MYO10: variants seen among roughly 807,000 people sequenced by gnomAD.
MYO10 encodes the protein myosin X.
Under a neutral mutation model 257.3 loss-of-function variants are expected in MYO10, and 133 were observed. That is an observed-to-expected ratio of 0.52 (90% CI 0.45 to 0.60). The LOEUF is 0.60. Among genes scored for constraint, MYO10 ranks in the 20% least tolerant of loss-of-function variants. MYO10 has a pLI of 0.00. For missense variants in MYO10, 2,399 were observed against 2,635.7 expected, an observed-to-expected ratio of 0.91 and a Z score of 1.97; for synonymous variants, 1,104 against 1,028.6, an observed-to-expected ratio of 1.07 and a Z score of -1.40.
At chr5:16,870,408 G>A (rs1433461067) in intron 2 of MYO10, among the ~76,000 whole-genome samples, 1 of 151,358 alleles carries the variant, frequency 6.6e-6, no homozygotes, top group Non-Finnish European at 1.5e-5. Flanking sequence ...GGTTGGTCCA[G>A]CAACATAATA....
At chr5:16,855,929 A>T (rs182240442) in intron 2 of MYO10, among the ~76,000 whole-genome samples, 106 of 152,334 alleles carry the variant, frequency 7.0e-4, no homozygotes, top group African/African-American at 2.4e-3. Context: ...CTACGCTATT[A>T]TTAATTATCC....
rs35589852 is a variant in MYO10, at chr5:16,821,982, C to CAAAA, written c.121-3819_121-3816dup. ...CAGCTGCTCAAAACAATGTGTATTT[C>CAAAA]AAAAAAAAAAAAGAATAGTAGAGAA... On this transcript the variant is annotated intron_variant, in intron 2 of 40. Transcript: ENST00000513610. Among the ~76,000 whole-genome samples the CAAAA allele has an allele frequency of 5.5e-5, 8 of 144,528 alleles. No homozygotes were observed. In the South Asian group the frequency reaches 6.5e-4, roughly 12 times the overall value. 94.8% of individuals were successfully genotyped at this position (144,528 alleles called of 152,430 possible).
At chr5:16,825,702 A>G (rs1013642236) in intron 2 of MYO10, among the ~76,000 whole-genome samples, 33 of 152,214 alleles carry the variant, frequency 2.2e-4, no homozygotes, top group Non-Finnish European at 2.9e-5. Context: ...CAGAGTGGAC[A>G]GCCGGATGCA....
intron 3 of MYO10, among the ~76,000 whole-genome samples, chr5:16,809,353 C>A (rs1742367092): frequency 6.6e-6 from 1 of 152,220 alleles, no homozygotes; most frequent in Non-Finnish European, 1.5e-5. Context: ...TTGACTCGAG[C>A]CTTGGAAAGG....
At chr5:16,902,657 C>T (rs1422276335) in intron 1 of MYO10, 11 of 1,222,432 alleles carry the variant, frequency 9.0e-6, no homozygotes, top group Middle Eastern at 2.0e-4. Context: ...AAGCATGGAC[C>T]GGAGAGAGGC....
chr5:16,892,295 A>G (rs2562343), intron 1 of MYO10, among the ~76,000 whole-genome samples: 87,413 of 151,994 alleles, frequency 0.58, 25,585 homozygotes, highest in African/African-American at 0.68. Context: ...CACCTAGCTT[A>G]TCTGATACAT....
rs200583687 is a variant in MYO10, at chr5:16,766,147, T to G, written c.1112A>C (p.Asp371Ala). Residue 371 changes from aspartate (D) to alanine (A), a missense_variant, in exon 11 of 41, where the codon GAT becomes GCT. This residue lies in a region of MYO10 where 337 missense variants were observed against 446.8 expected (regional missense o/e 0.75). Coordinates refer to ENST00000513610, the MANE Select transcript of MYO10 (RefSeq NM_012334.3). ...GAACATTGATCTCTGGGTCAAAGCA[T>G]CTGTGAGCTGTGTTGGGTCCAGCCC... ...LLGLDPTQLT[D>A]ALTQRSMFLR... 4.6e-4 allele frequency: 738 copies of G among 1,613,970 alleles called. No individual in the cohort carries two copies. Among genetic ancestry groups the G allele is most frequent in the South Asian group, 7.6e-4 (69 of 91,078 alleles).
intron 30 of MYO10, 47 bp downstream of exon 30, chr5:16,683,833 C>T: frequency 6.4e-7 from 1 of 1,571,252 alleles, no homozygotes; most frequent in Non-Finnish European, 8.8e-7. Context: ...CCTGTGGACA[C>T]ACACAGGTGA....
chr5:16,933,528 T>C (rs31463), intron 1 of MYO10, among the ~76,000 whole-genome samples: 60,119 of 152,068 alleles, frequency 0.4, 12,153 homozygotes, highest in Middle Eastern at 0.5. Context: ...TAAGCCACAA[T>C]GGGAAAAGTT....
intron 18 of MYO10, among the ~76,000 whole-genome samples, chr5:16,755,345 T>G (rs1740498521): frequency 6.6e-6 from 1 of 152,160 alleles, no homozygotes; most frequent in African/African-American, 2.4e-5. Context: ...TTTTGTATTT[T>G]TAGTGGAGAT....
intron 4 of MYO10, among the ~76,000 whole-genome samples, chr5:16,792,870 C>T (rs530603418): frequency 1.1e-4 from 16 of 152,180 alleles, no homozygotes; most frequent in African/African-American, 3.9e-4. Context: ...GTGTCCCCCC[C>T]TCCCCCGACA....
At chr5:16,733,130 T>C (rs948442974) in intron 19 of MYO10, among the ~76,000 whole-genome samples, 3 of 151,962 alleles carry the variant, frequency 2.0e-5, no homozygotes, top group Non-Finnish European at 4.4e-5. Flanking sequence ...CAAGACGCCA[T>C]CTCAGAAAAA....
chr5:16,738,253 G>C (rs952012229), intron 19 of MYO10: 1 of 985,402 alleles, frequency 1.0e-6, no homozygotes, highest in Non-Finnish European at 1.2e-6. Flanking sequence ...GAGGAGGAGG[G>C]GTGGTCAGAG....
At chr5:16,837,556 C>T (rs1034659808) in intron 2 of MYO10, among the ~76,000 whole-genome samples, 5 of 152,110 alleles carry the variant, frequency 3.3e-5, no homozygotes, top group Non-Finnish European at 7.3e-5. Flanking sequence ...GTGGTGATGA[C>T]TGCACAACTC....
At chr5:16,699,361 C>T in intron 26 of MYO10, 89 bp downstream of exon 26, 1 of 1,494,658 alleles carries the variant, frequency 6.7e-7, no homozygotes, top group Non-Finnish European at 9.0e-7. Flanking sequence ...AATAACACCT[C>T]CGTTATTTCC....
At chr5:16,804,342 C>T (rs892148039) in intron 3 of MYO10, among the ~76,000 whole-genome samples, 1 of 152,186 alleles carries the variant, frequency 6.6e-6, no homozygotes, top group Non-Finnish European at 1.5e-5. Flanking sequence ...TCTTTACCCC[C>T]TTAATCCAAT....
At position 16,890,597 on chromosome 5, in the gene MYO10, T is replaced by C. The variant is rs567382533; in HGVS notation, c.22-12890A>G. 5.5e-4 allele frequency among the ~76,000 whole-genome samples: 83 copies of C among 151,810 alleles called. 5 individuals are homozygous for C. Among genetic ancestry groups the C allele is most frequent in the African/African-American group, 2.0e-3 (82 of 41,134 alleles). On this transcript the variant is annotated intron_variant, in intron 1 of 40. Transcript: ENST00000513610. ...GCTCACGCTTGTAATCCCAGAACTT[T>C]GGGAGGCCGGGGCAGGCAGATCACC...
chr5:16,668,990 C>T (rs1008015665), intron 39 of MYO10, among the ~76,000 whole-genome samples: 1 of 152,132 alleles, frequency 6.6e-6, no homozygotes, highest in Non-Finnish European at 1.5e-5. Flanking sequence ...AATGGCCTTC[C>T]ATATGCAGAG....
At chr5:16,880,038 G>C (rs916701650) in intron 1 of MYO10, among the ~76,000 whole-genome samples, 4 of 152,298 alleles carry the variant, frequency 2.6e-5, no homozygotes, top group African/African-American at 7.2e-5. Flanking sequence ...AACTTAGCCA[G>C]ACATGGTGGC....
Sources: gnomAD v4.1 joint callset for allele counts (sites outside exome capture counted in the v4.1 genomes callset) on GRCh38, gnomAD v4.1.1 for gene constraint, gnomAD v4.1.1 regional missense constraint, MANE v1.5 for transcripts, NCBI Gene and HGNC (gene_info 2026-07-23, HGNC 2026-07-21) for gene names.